Variants in PID1 observed in about 807,000 individuals in gnomAD.
PID1 encodes phosphotyrosine interaction domain containing 1.
PID1 carries 10 observed loss-of-function variants against 19.1 expected under a neutral mutation model. The observed-to-expected ratio is 0.52, with a 90% CI of 0.32 to 0.89. PID1 has a LOEUF of 0.89. Ranked by LOEUF, PID1 falls within the 40% of genes least tolerant of loss-of-function variation. The probability of loss-of-function intolerance (pLI) is 0.03; values close to 1 mark genes in which losing one functional copy is unlikely to be tolerated. For missense variants in PID1, 248 were observed against 285.3 expected, an observed-to-expected ratio of 0.87 and a Z score of 0.94; for synonymous variants, 130 against 116.0, an observed-to-expected ratio of 1.12 and a Z score of -0.78.
intron 2 of PID1, among the ~76,000 whole-genome samples, chr2:229,060,460 T>TA (rs993194381): frequency 2.0e-5 from 3 of 152,194 alleles, no homozygotes; most frequent in African/African-American, 7.2e-5. Context: ...GCCTTCCTCT[T>TA]AAAGGCTGAA....
At chr2:229,026,650 GC>G (rs1693431169) in intron 2 of PID1, among the ~76,000 whole-genome samples, 1 of 152,128 alleles carries the variant, frequency 6.6e-6, no homozygotes, top group Non-Finnish European at 1.5e-5. Flanking sequence ...TGAAATTATG[GC>G]CTAAAGCATG....
At chr2:229,169,639 T>G (rs977643109) in intron 1 of PID1, among the ~76,000 whole-genome samples, 1 of 152,226 alleles carries the variant, frequency 6.6e-6, no homozygotes, top group African/African-American at 2.4e-5. Flanking sequence ...TCTCAAATGC[T>G]GTCTCTTTCC....
At chr2:229,048,851 T>C (rs1253927338) in intron 2 of PID1, among the ~76,000 whole-genome samples, 2 of 152,146 alleles carry the variant, frequency 1.3e-5, no homozygotes, top group Non-Finnish European at 2.9e-5. Context: ...TTACGCAAAA[T>C]CAATATTGCA....
intron 2 of PID1, among the ~76,000 whole-genome samples, chr2:229,065,548 C>T (rs1425213569): frequency 1.3e-5 from 2 of 151,936 alleles, no homozygotes; most frequent in East Asian, 3.9e-4. Flanking sequence ...AATACACATG[C>T]ACACACACAA....
chr2:229,192,989 A>G (rs1284252964), intron 1 of PID1, among the ~76,000 whole-genome samples: 1 of 152,214 alleles, frequency 6.6e-6, no homozygotes, highest in Admixed American at 6.5e-5. Flanking sequence ...ATGGCACTTC[A>G]GAGATTAGTA....
chr2:229,039,428 A>G (rs1452590517), intron 2 of PID1, among the ~76,000 whole-genome samples: 2 of 152,342 alleles, frequency 1.3e-5, no homozygotes, highest in South Asian at 2.1e-4. Context: ...TGGTGTTTAG[A>G]TTATATTAGC....
At chr2:229,111,329 G>A (rs1695294996) in intron 2 of PID1, among the ~76,000 whole-genome samples, 1 of 152,136 alleles carries the variant, frequency 6.6e-6, no homozygotes, top group African/African-American at 2.4e-5. Context: ...GTAGGAGTGA[G>A]GCAGGAAAGA....
intron 2 of PID1, among the ~76,000 whole-genome samples, chr2:229,049,924 T>C (rs1167832193): frequency 9.3e-6 from 1 of 107,610 alleles, no homozygotes; most frequent in Non-Finnish European, 1.8e-5. Flanking sequence ...TATATACATA[T>C]ATACACACAC....
chr2:229,076,594 C>T (rs1466362169), intron 2 of PID1, among the ~76,000 whole-genome samples: 3 of 151,994 alleles, frequency 2.0e-5, no homozygotes, highest in Admixed American at 2.0e-4. Flanking sequence ...CTCCCTGTGC[C>T]CATATGTTCT....
intron 1 of PID1, among the ~76,000 whole-genome samples, chr2:229,210,822 G>C (rs981914251): frequency 6.6e-6 from 1 of 152,120 alleles, no homozygotes; most frequent in Non-Finnish European, 1.5e-5. Context: ...CCCCTCCAGG[G>C]GAGACACCTA....
At chr2:229,145,155 GTATATA>G (rs5839309) in intron 2 of PID1, among the ~76,000 whole-genome samples, 218 of 119,916 alleles carry the variant, frequency 1.8e-3, no homozygotes, top group South Asian at 4.1e-3. Context: ...ATATGTATGT[GTATATA>G]TATATATATA....
At chr2:229,069,149 G>GTGTGTGTT (rs1694397787) in intron 2 of PID1, among the ~76,000 whole-genome samples, 1 of 149,620 alleles carries the variant, frequency 6.7e-6, no homozygotes, top group South Asian at 2.1e-4. Flanking sequence ...GTTTTTGTGT[G>GTGTGTGTT]TGTGTGTGTG....
chr2:229,159,887 T>C (rs1390846260), intron 1 of PID1, among the ~76,000 whole-genome samples: 1 of 152,128 alleles, frequency 6.6e-6, no homozygotes, highest in African/African-American at 2.4e-5. Context: ...GTGTAGGGTT[T>C]GGAGTTGCCA....
intron 1 of PID1, among the ~76,000 whole-genome samples, chr2:229,183,096 G>C (rs1042459524): frequency 6.6e-6 from 1 of 152,170 alleles, no homozygotes; most frequent in Non-Finnish European, 1.5e-5. Flanking sequence ...AGTTATACTG[G>C]GCAAGGATGG....
chr2:229,119,793 T>C (rs1182055349), intron 2 of PID1, among the ~76,000 whole-genome samples: 4 of 152,206 alleles, frequency 2.6e-5, no homozygotes, highest in South Asian at 4.1e-4. Flanking sequence ...AATTGTGGAC[T>C]GAGTAAAGTA....
At chr2:229,072,008 T>C (rs1694464441) in intron 2 of PID1, among the ~76,000 whole-genome samples, 1 of 152,228 alleles carries the variant, frequency 6.6e-6, no homozygotes, top group Non-Finnish European at 1.5e-5. Context: ...TGTGTCATTC[T>C]ATAGTTTTGA....
intron 2 of PID1, among the ~76,000 whole-genome samples, chr2:229,050,132 G>A (rs1000831557): frequency 5.9e-5 from 9 of 152,014 alleles, no homozygotes; most frequent in Admixed American, 1.3e-4. Flanking sequence ...ATCTTTCTGC[G>A]AATCTCAACA....
intron 2 of PID1, among the ~76,000 whole-genome samples, chr2:229,139,816 G>T (rs1390674506): frequency 2.0e-5 from 3 of 152,160 alleles, no homozygotes; most frequent in African/African-American, 7.2e-5. Flanking sequence ...CTCAGCACTG[G>T]AGGATTGGCC....
chr2:229,161,079 C>T (rs1378016471), intron 1 of PID1, among the ~76,000 whole-genome samples: 1 of 152,154 alleles, frequency 6.6e-6, no homozygotes. Flanking sequence ...GAATATGCAA[C>T]ATGACACAGG....
Sources: allele counts gnomAD v4.1 joint callset (sites outside exome capture counted in the v4.1 genomes callset), GRCh38; gene constraint gnomAD v4.1.1; transcripts MANE v1.5; gene names NCBI Gene and HGNC (gene_info 2026-07-23, HGNC 2026-07-21).